Variants in HSD17B12 observed in about 807,000 individuals in gnomAD.
HSD17B12 encodes hydroxysteroid 17-beta dehydrogenase 12, also known as very-long-chain 3-oxoacyl-CoA reductase.
In HSD17B12, 32 loss-of-function variants were observed where a neutral mutation model predicts 39.3. The observed-to-expected ratio is 0.81, with a 90% CI of 0.61 to 1.09. HSD17B12 has a LOEUF of 1.09. Among genes scored for constraint, HSD17B12 ranks in the 50% least tolerant of loss-of-function variants. The pLI is 0.00. For missense variants in HSD17B12, 342 were observed against 382.9 expected, an observed-to-expected ratio of 0.89 and a Z score of 0.89; for synonymous variants, 150 against 146.7, an observed-to-expected ratio of 1.02 and a Z score of -0.16.
chr11:43,735,459 A>G (rs987976171), intron 1 of HSD17B12, among the ~76,000 whole-genome samples: 1 of 152,166 alleles, frequency 6.6e-6, no homozygotes, highest in Non-Finnish European at 1.5e-5. Flanking sequence ...ATTACGGTCA[A>G]CCTAGTGTGT....
intron 3 of HSD17B12, among the ~76,000 whole-genome samples, chr11:43,784,508 T>A (rs997800401): frequency 1.3e-5 from 2 of 151,938 alleles, no homozygotes; most frequent in African/African-American, 4.8e-5. Context: ...ATTCCCCCCT[T>A]GGAGAATTTC....
chr11:43,621,027 T>C, the HSD17B12 span, among the ~76,000 whole-genome samples: 1 of 152,218 alleles, frequency 6.6e-6, no homozygotes, highest in Non-Finnish European at 1.5e-5. Context: ...ACTTTTACTG[T>C]TAGCAGGTAG....
At chr11:43,771,185 T>C (rs1417137251) in intron 3 of HSD17B12, among the ~76,000 whole-genome samples, 1 of 152,198 alleles carries the variant, frequency 6.6e-6, no homozygotes, top group Non-Finnish European at 1.5e-5. Flanking sequence ...TACAGTATAG[T>C]TTCTTTTGAG....
chr11:43,839,949 C>T (rs1157978185), intron 8 of HSD17B12, 50 bp from the exon 9 acceptor site: 1 of 1,362,706 alleles, frequency 7.3e-7, no homozygotes, highest in Middle Eastern at 2.1e-4. Flanking sequence ...ACAAATCAGG[C>T]AGATTGATGT....
the HSD17B12 span, among the ~76,000 whole-genome samples, chr11:43,632,777 A>G: frequency 1.3e-5 from 2 of 152,324 alleles, no homozygotes; most frequent in Non-Finnish European, 2.9e-5. Context: ...TTCTACACAT[A>G]TATTTTTGTA....
chr11:43,654,818 G>A, the HSD17B12 span, among the ~76,000 whole-genome samples: 7 of 152,192 alleles, frequency 4.6e-5, no homozygotes, highest in Admixed American at 4.6e-4. Flanking sequence ...ATAGTTTGAA[G>A]TCAGGTAGCA....
chr11:43,817,750 T>C (rs1308001285), intron 6 of HSD17B12, among the ~76,000 whole-genome samples: 4 of 152,198 alleles, frequency 2.6e-5, no homozygotes, highest in Admixed American at 1.3e-4. Context: ...TATGGCGTTA[T>C]AGTGTAGTTT....
the HSD17B12 span, among the ~76,000 whole-genome samples, chr11:43,653,454 G>A: frequency 3.9e-5 from 6 of 152,026 alleles, no homozygotes; most frequent in African/African-American, 1.2e-4. Flanking sequence ...ACAACTTGCA[G>A]CTTTGTTACA....
intron 3 of HSD17B12, among the ~76,000 whole-genome samples, chr11:43,775,550 T>C (rs985734653): frequency 5.9e-5 from 9 of 152,154 alleles, no homozygotes; most frequent in Non-Finnish European, 1.3e-4. Flanking sequence ...GAAGTTCTGC[T>C]TTCTAAATCC....
the HSD17B12 span, among the ~76,000 whole-genome samples, chr11:43,658,041 C>T: frequency 5.9e-5 from 9 of 152,304 alleles, no homozygotes; most frequent in East Asian, 1.9e-4. Flanking sequence ...ACCAATTAGA[C>T]GTAGATTTGG....
intron 1 of HSD17B12, among the ~76,000 whole-genome samples, chr11:43,709,484 G>A (rs1353138396): frequency 1.3e-5 from 2 of 152,222 alleles, no homozygotes; most frequent in Non-Finnish European, 2.9e-5. Context: ...ATGAATCAAA[G>A]AAGGATATAT....
At chr11:43,773,873 A>G (rs1590287621) in intron 3 of HSD17B12, among the ~76,000 whole-genome samples, 1 of 152,128 alleles carries the variant, frequency 6.6e-6, no homozygotes, top group Non-Finnish European at 1.5e-5. Flanking sequence ...TAGAAAGTAT[A>G]TTTTTTGCTT....
rs563321265 is a variant in HSD17B12, at chr11:43,697,069, G to A, written c.160+16082G>A. On this transcript the variant is annotated intron_variant, in intron 1 of 10. Transcript: ENST00000278353. ...TAGGACAAATAGCTAATGCATATGTGGCTTAAAACCTAGATGATGTGTTGA... is the reference window on the plus strand; with the variant it reads ...TAGGACAAATAGCTAATGCATATGTAGCTTAAAACCTAGATGATGTGTTGA... Among the ~76,000 whole-genome samples the A allele has an allele frequency of 1.2e-4, 19 of 152,208 alleles. 1 individual carries two copies. Among genetic ancestry groups the A allele is most frequent in the African/African-American group, 4.3e-4 (18 of 41,520 alleles).
intron 1 of HSD17B12, among the ~76,000 whole-genome samples, chr11:43,687,698 G>A (rs1038332371): frequency 5.3e-5 from 8 of 152,190 alleles, no homozygotes; most frequent in African/African-American, 1.9e-4. Flanking sequence ...AGGCAAGAAG[G>A]GCAATGAGCA....
At chr11:43,651,355 T>G in the HSD17B12 span, among the ~76,000 whole-genome samples, 2 of 152,196 alleles carry the variant, frequency 1.3e-5, no homozygotes, top group African/African-American at 4.8e-5. Flanking sequence ...GAGAAGATTA[T>G]AATTCTCAAA....
chr11:43,652,001 G>T, the HSD17B12 span, among the ~76,000 whole-genome samples: 87 of 152,308 alleles, frequency 5.7e-4, no homozygotes, highest in African/African-American at 2.0e-3. Flanking sequence ...TACATAAGTT[G>T]TGAGAAAGAT....
the HSD17B12 span, among the ~76,000 whole-genome samples, chr11:43,662,274 C>T: frequency 6.7e-6 from 1 of 150,060 alleles, no homozygotes; most frequent in Non-Finnish European, 1.5e-5. Flanking sequence ...TCTTAGCTCA[C>T]TGCAACCTCC....
At chr11:43,619,185 T>TATATATATATATGATATATATATATAAA in the HSD17B12 span, among the ~76,000 whole-genome samples, 2 of 51,006 alleles carry the variant, frequency 3.9e-5, no homozygotes, top group Non-Finnish European at 8.9e-5. Flanking sequence ...ATATATAAAA[T>TATATATATATATGATATATATATATAAA]ATATATATAT....
intron 1 of HSD17B12, among the ~76,000 whole-genome samples, chr11:43,744,764 A>T (rs145107853): frequency 1.6e-3 from 250 of 152,340 alleles, no homozygotes; most frequent in African/African-American, 5.8e-3. Context: ...CTCAGGAATA[A>T]CACCTGTGAG....
Sources: gnomAD v4.1 joint callset for allele counts (sites outside exome capture counted in the v4.1 genomes callset) on GRCh38, gnomAD v4.1.1 for gene constraint, MANE v1.5 for transcripts, NCBI Gene and HGNC (gene_info 2026-07-23, HGNC 2026-07-21) for gene names.